The following WDR83OS variants were observed in gnomAD, a reference collection of about 807,000 sequenced individuals.
WDR83OS encodes WD repeat domain 83 opposite strand.
A neutral mutation model predicts 13.7 loss-of-function variants in WDR83OS; 15 were observed. The ratio of observed to expected loss-of-function variants is 1.09; its 90% CI spans 0.73 to 1.69. The LOEUF (loss-of-function observed/expected upper bound fraction) is 1.69. WDR83OS is among the 40% of genes most tolerant of loss of function. The pLI is 0.00. For synonymous variants in WDR83OS, 68 were observed against 52.9 expected (o/e 1.29, Z -1.24); for missense variants, 145 against 143.2 (o/e 1.01, Z -0.06).
At chr19:12,669,329 G>A (rs201179604) in intron 1 of WDR83OS, 25 bp downstream of exon 1, 20 of 1,605,396 alleles carry the variant, frequency 1.2e-5, no homozygotes, top group East Asian at 1.1e-4. Flanking sequence ...ACCCGAACCC[G>A]TGCCCACGAC....
chr19:12,669,013 C>A, intron 2 of WDR83OS, 115 bp downstream of exon 2: 1 of 1,092,516 alleles, frequency 9.2e-7, no homozygotes, highest in Non-Finnish European at 1.4e-6. Flanking sequence ...CCACTCCCGG[C>A]CGATCTCAGG....
rs777339880 is a variant in WDR83OS at position 12,668,343 on chromosome 19, C to T, written c.*16G>A. 33 of 1,606,980 alleles carry T rather than the reference C, an allele frequency of 2.1e-5. No homozygotes were observed. Among genetic ancestry groups the T allele is most frequent in the Middle Eastern group, 1.7e-4 (1 of 6,050 alleles). On this transcript the variant is annotated 3_prime_UTR_variant, in exon 4 of 4. Coordinates refer to ENST00000596731, the MANE Select transcript of WDR83OS (RefSeq NM_016145.4). ...TGGATAGACAGGGTCCAAAATGTGA[C>T]CCTTCTAGGCTGGTATCACCATGGG... is the stretch of plus-strand genomic sequence containing the variant.
At chr19:12,669,062 T>C (rs1429652455) in intron 2 of WDR83OS, 66 bp downstream of exon 2, 3 of 1,559,676 alleles carry the variant, frequency 1.9e-6, no homozygotes, top group Non-Finnish European at 2.6e-6. Context: ...CCCGCTTCAT[T>C]CCAAACCCGC....
In WDR83OS at chr19:12,668,640, G is replaced by A. The variant is rs765959242; in HGVS notation, c.157-23C>T. 3.2e-5 allele frequency: 52 copies of A among 1,605,086 alleles called. 1 individual carries two copies. The highest frequency in any genetic ancestry group is 6.7e-5 in the Admixed American group (4 of 59,762). On this transcript the variant is annotated intron_variant, in intron 2 of 3. Transcript: ENST00000596731. ...CAGCTAGGGAAAGGTAAGTGGGTGG[G>A]CAGGTTAGTGAAAGGCACAACAATG...
chr19:12,668,507 G>A lies in WDR83OS; in HGVS notation c.254+13C>T, dbSNP rs2024320238. On this transcript the variant is annotated intron_variant, in intron 3 of 3. Transcript: ENST00000596731. ...TTACTCAAGAGTCACTTGTTCTGTA[G>A]GGCAAGTCTCACATGAAGCTACTCA... 2 of 1,613,836 alleles carry A rather than the reference G, an allele frequency of 1.2e-6. No homozygotes were observed. The highest frequency in any genetic ancestry group is 1.7e-5 in the Admixed American group (1 of 59,966).
Position 12,668,171 on chromosome 19 carries a change from G to A in WDR83OS, c.*188C>T. The A allele has an allele frequency of 5.1e-6, 3 of 592,382 alleles. No homozygotes were observed. The highest frequency in any genetic ancestry group is 9.0e-6 in the Non-Finnish European group (3 of 333,204). 36.7% of individuals were successfully genotyped at this position (592,382 alleles called of 1,614,324 possible). On this transcript the variant is annotated 3_prime_UTR_variant, in exon 4 of 4. Transcript: ENST00000596731. ...TCTCCCCCAGCAGCAGGCAGGGGAA[G>A]GGAGGCAGGAGGGGTAAGCCTAGGG...
chr19:12,668,716 C>G, intron 2 of WDR83OS, 99 bp from the exon 3 acceptor site: 1 of 1,006,502 alleles, frequency 9.9e-7, no homozygotes, highest in South Asian at 1.4e-5. Context: ...CTGATTCCAT[C>G]TGATGCAGCT....
rs2024321624 is a variant in WDR83OS at position 12,668,557 on chromosome 19, TC to T, written c.216del (p.Ser73AlafsTer8). ...YCSFISFANS[R>X]SSEDTKQMMS... ...ATCATTTGCTTCGTGTCCTCCGAGC[TC>T]CGAGAGTTGGCAAAGCTGATGAAGG... On this transcript the variant is annotated frameshift_variant, in exon 3 of 4. Transcript: ENST00000596731. LOFTEE classifies it high-confidence loss of function. 2 of 1,613,954 alleles carry T rather than the reference TC, an allele frequency of 1.2e-6. No homozygotes were observed. Among genetic ancestry groups the T allele is most frequent in the Non-Finnish European group, 1.7e-6 (2 of 1,180,012 alleles).
At chr19:12,668,662 A>C (rs751061990) in intron 2 of WDR83OS, 45 bp from the exon 3 acceptor site, 1 of 1,535,990 alleles carries the variant, frequency 6.5e-7, no homozygotes, top group South Asian at 1.1e-5. Flanking sequence ...AAGGCACAAC[A>C]ATGAGTCCCC....
In WDR83OS at chr19:12,669,230, G is replaced by C; in HGVS notation, c.54C>G (p.Tyr18Ter). 6.2e-7 allele frequency: 1 copy of C among 1,613,954 alleles called. No individual in the cohort carries two copies. Among genetic ancestry groups the C allele is most frequent in the East Asian group, 2.2e-5 (1 of 44,872 alleles). The change falls in exon 2 of 4, where the codon TAC becomes TAG. Residue 18 changes from tyrosine to a stop codon, truncating the protein, a stop_gained. Transcript: ENST00000596731. LOFTEE classifies it high-confidence loss of function. ...GGTTACATTCGCTCGGCGGGGGCTTGTACCTGCGACAGGCTCGAGGGTCAG... is the reference window on the plus strand; with the variant it reads ...GGTTACATTCGCTCGGCGGGGGCTTCTACCTGCGACAGGCTCGAGGGTCAG... The part of the protein sequence containing the change: ...DPRRPNKVLR[Y>*]KPPPSECNPA...
At chr19:12,669,314 C>T (rs985166921) in intron 1 of WDR83OS, 40 bp downstream of exon 1, 1 of 1,606,128 alleles carries the variant, frequency 6.2e-7, no homozygotes, top group Admixed American at 1.7e-5. Flanking sequence ...CGATCCACAC[C>T]CACAACCCGA....
Position 12,668,496 on chromosome 19 carries a change from C to T in WDR83OS, c.254+24G>A. 3.1e-6 allele frequency: 5 copies of T among 1,613,922 alleles called. No homozygotes were observed. The Admixed American group carries it at 6.7e-5, about 22-fold the overall frequency. On this transcript the variant is annotated intron_variant, in intron 3 of 3. Transcript: ENST00000596731. ...CCCCCCACCCCTTACTCAAGAGTCA[C>T]TTGTTCTGTAGGGCAAGTCTCACAT...
At position 12,668,232 on chromosome 19, in the gene WDR83OS, G is replaced by T; in HGVS notation, c.*127C>A. ...GAAAGGGCCAGGTTCCCTCTATCCA[G>T]CTGGGGGCACCGAGACGGCCTCATT... is the stretch of plus-strand genomic sequence containing the variant. On this transcript the variant is annotated 3_prime_UTR_variant, in exon 4 of 4. Transcript: ENST00000596731. 1.0e-6 allele frequency: 1 copy of T among 981,402 alleles called. No individual in the cohort carries two copies. 60.8% of individuals were successfully genotyped at this position (981,402 alleles called of 1,614,324 possible).
chr19:12,668,483 T>C (rs2024318861), intron 3 of WDR83OS, 37 bp downstream of exon 3: 2 of 1,613,626 alleles, frequency 1.2e-6, no homozygotes, highest in Non-Finnish European at 1.7e-6. Context: ...CCCCACCCCT[T>C]ACTCAAGAGT....
chr19:12,668,522 G>T lies in WDR83OS; in HGVS notation c.252C>A (p.Phe84Leu). The change falls in exon 3 of 4, where the codon TTC (phenylalanine) becomes TTA (leucine). Residue 84 changes from phenylalanine (F) to leucine (L), a missense_variant and splice_region_variant. By Grantham distance (22) the Phe-to-Leu change is conservative. Coordinates refer to ENST00000596731, the MANE Select transcript of WDR83OS (RefSeq NM_016145.4). ...TTGTTCTGTAGGGCAAGTCTCACAT[G>T]AAGCTACTCATCATTTGCTTCGTGT... The part of the protein sequence containing the change: ...SEDTKQMMSS[F>L]MLSISAVVMS... 2 of 1,614,146 alleles carry T rather than the reference G, an allele frequency of 1.2e-6. No individual in the cohort carries two copies. The highest frequency in any genetic ancestry group is 1.7e-6 in the Non-Finnish European group (2 of 1,180,002).
Position 12,668,359 on chromosome 19 carries a change from T to C in WDR83OS, c.321A>G (p.Ter107TrpextTer15). The change falls in exon 4 of 4, where the codon TGA becomes TGG. Residue 107 changes from the stop codon to tryptophan (W), a stop_lost. Transcript: ENST00000596731. ...AAAATGTGACCCTTCTAGGCTGGTA[T>C]CACCATGGGGGCGTCATGGGCTGAG... ...QNPQPMTPPW[*>W] 1 of 1,611,862 alleles carries C rather than the reference T, an allele frequency of 6.2e-7. No individual in the cohort carries two copies. Among genetic ancestry groups the C allele is most frequent in the South Asian group, 1.1e-5 (1 of 90,468 alleles).
rs757871648 is a variant in WDR83OS at position 12,668,563 on chromosome 19, A to T, written c.211T>A (p.Ser71Thr). The T allele has an allele frequency of 6.2e-7, 1 of 1,614,092 alleles. No individual in the cohort carries two copies. The highest frequency in any genetic ancestry group is 1.1e-5 in the South Asian group (1 of 91,086). ...VYCSFISFAN[S>T]RSSEDTKQMM... is the part of the protein sequence containing the mutation. ...TGCTTCGTGTCCTCCGAGCTCCGAG[A>T]GTTGGCAAAGCTGATGAAGGAGCAG... Residue 71 changes from serine to threonine, a missense_variant, in exon 3 of 4, where the codon TCT becomes ACT. Transcript: ENST00000596731.
rs2024332810 is a variant in WDR83OS, at chr19:12,669,028, G to A, written c.156+100C>T. ...CCACTCCCGGCCGATCTCAGGTCCCGCCCCATCAGCAATGACAAGACACCC... is the reference window on the plus strand; with the variant it reads ...CCACTCCCGGCCGATCTCAGGTCCCACCCCATCAGCAATGACAAGACACCC... On this transcript the variant is annotated intron_variant, in intron 2 of 3. Transcript: ENST00000596731. The A allele has an allele frequency of 4.0e-6, 5 of 1,245,518 alleles. No individual in the cohort carries two copies. In the East Asian group the frequency reaches 1.2e-4, roughly 30 times the overall value. 77.2% of individuals were successfully genotyped at this position (1,245,518 alleles called of 1,614,324 possible). A position where few individuals can be genotyped will look rare whatever the true frequency, so the allele number is the denominator to read the frequency against.
In WDR83OS at chr19:12,668,513, G is replaced by A. The variant is rs1032836220; in HGVS notation, c.254+7C>T. 1 of 1,614,082 alleles carries A rather than the reference G, an allele frequency of 6.2e-7. No homozygotes were observed. The highest frequency in any genetic ancestry group is 1.1e-5 in the South Asian group (1 of 91,068). Reference sequence around the variant, plus strand: ...AAGAGTCACTTGTTCTGTAGGGCAAGTCTCACATGAAGCTACTCATCATTT... The same window carrying A: ...AAGAGTCACTTGTTCTGTAGGGCAAATCTCACATGAAGCTACTCATCATTT... On this transcript the variant is annotated splice_region_variant and intron_variant, in intron 3 of 3. Transcript: ENST00000596731.
Sources: allele counts gnomAD v4.1 joint callset, GRCh38; gene constraint gnomAD v4.1.1; transcripts MANE v1.5; gene names NCBI Gene and HGNC (gene_info 2026-07-23, HGNC 2026-07-21).